EFCAB3: variants seen among roughly 807,000 people sequenced by gnomAD.
The protein encoded by EFCAB3 is EF-hand calcium binding domain 3.
EFCAB3 carries 36 observed loss-of-function variants against 42.2 expected under a neutral mutation model. That is an observed-to-expected ratio of 0.85 (90% CI 0.65 to 1.13). The LOEUF (loss-of-function observed/expected upper bound fraction) is 1.13. Among genes scored for constraint, EFCAB3 ranks in the 50% most tolerant of loss-of-function variants. The pLI is 0.00. For missense variants in EFCAB3, 418 were observed against 505.1 expected (o/e 0.83, Z 1.65); for synonymous variants, 170 against 172.8 (o/e 0.98, Z 0.13).
chr17:62,377,303 A>G (rs1184038359), upstream of EFCAB3, among the ~76,000 whole-genome samples: 1 of 152,176 alleles, frequency 6.6e-6, no homozygotes, highest in African/African-American at 2.4e-5. Flanking sequence ...TTGATATTAA[A>G]ATAATACATT....
chr17:62,371,065 C>T (rs1038220978), intron 1 of EFCAB3, among the ~76,000 whole-genome samples: 3 of 151,054 alleles, frequency 2.0e-5, no homozygotes, highest in African/African-American at 7.3e-5. Context: ...GCATTCCAGC[C>T]TGGGCAACAG....
At chr17:62,399,092 AGC>A (rs1438973526) in intron 6 of EFCAB3, among the ~76,000 whole-genome samples, 2 of 152,094 alleles carry the variant, frequency 1.3e-5, no homozygotes, top group African/African-American at 4.8e-5. Context: ...TGACTCCTAC[AGC>A]ACCAAATGAG....
chr17:62,373,633 C>CT (rs200446219), intron 1 of EFCAB3, among the ~76,000 whole-genome samples: 51 of 151,600 alleles, frequency 3.4e-4, no homozygotes, highest in Admixed American at 3.0e-3. Context: ...AAAAGTTCAT[C>CT]TTTTTTTTTC....
At chr17:62,391,446 C>T (rs1006474203) in intron 3 of EFCAB3, among the ~76,000 whole-genome samples, 3 of 152,064 alleles carry the variant, frequency 2.0e-5, no homozygotes, top group Non-Finnish European at 4.4e-5. Flanking sequence ...ATTTCTGCCA[C>T]GTCTCTCCAG....
intron 2 of EFCAB3, among the ~76,000 whole-genome samples, chr17:62,386,916 G>C (rs1567722257): frequency 6.6e-6 from 1 of 152,028 alleles, no homozygotes; most frequent in Non-Finnish European, 1.5e-5. Flanking sequence ...AGCCTCCTGA[G>C]TGGCTAGGAC....
chr17:62,398,807 G>T (rs988220113), intron 6 of EFCAB3, among the ~76,000 whole-genome samples: 1 of 152,094 alleles, frequency 6.6e-6, no homozygotes, highest in African/African-American at 2.4e-5. Context: ...TTCAACGTAC[G>T]TTAAATAAAT....
chr17:62,390,779 G>T (rs568185912), intron 3 of EFCAB3, among the ~76,000 whole-genome samples: 1 of 152,184 alleles, frequency 6.6e-6, no homozygotes, highest in African/African-American at 2.4e-5. Flanking sequence ...AGCAGGTATC[G>T]TTATCTCTGT....
rs142732714 is a variant in EFCAB3 at position 62,402,199 on chromosome 17, T to C, written c.489-4281T>C. Among the ~76,000 whole-genome samples the C allele has an allele frequency of 2.3e-3, 356 of 152,316 alleles. 2 individuals carry two copies. Among genetic ancestry groups the C allele is most frequent in the African/African-American group, 7.2e-3 (301 of 41,574 alleles). ...TTAAGGAGATTTTGGGCTGAGACGA[T>C]GGGGTTTTCTAAATATGCAATCATA... On this transcript the variant is annotated intron_variant, in intron 6 of 9. Transcript: ENST00000305286.
intron 2 of EFCAB3, among the ~76,000 whole-genome samples, chr17:62,385,710 G>A (rs2070242318): frequency 7.6e-6 from 1 of 130,946 alleles, no homozygotes; most frequent in African/African-American, 2.8e-5. Flanking sequence ...ATTTCTTCTA[G>A]TTTTACTTTT....
At chr17:62,393,266 G>A (rs1185022418) in intron 4 of EFCAB3, among the ~76,000 whole-genome samples, 2 of 152,214 alleles carry the variant, frequency 1.3e-5, no homozygotes, top group Admixed American at 6.5e-5. Flanking sequence ...AGCATGGGAA[G>A]ACAGGACAGA....
At chr17:62,393,958 C>CTT (rs34962512) in intron 5 of EFCAB3, among the ~76,000 whole-genome samples, 3 of 141,896 alleles carry the variant, frequency 2.1e-5, no homozygotes, top group African/African-American at 7.6e-5. Context: ...ATTATTTTGT[C>CTT]TTTTTTTTTT....
At position 62,383,974 on chromosome 17, in the gene EFCAB3, C is replaced by A. The variant is rs1471336352; in HGVS notation, c.74+921C>A. 2.6e-5 allele frequency among the ~76,000 whole-genome samples: 4 copies of A among 152,240 alleles called. No homozygotes were observed. In the East Asian group the frequency reaches 7.7e-4, roughly 29 times the overall value. ...CCTAACAACAAATTTCAATTAACAG[C>A]CACTAATGAGCAAAAATGAGAGCCT... is the stretch of plus-strand genomic sequence containing the variant. On this transcript the variant is annotated intron_variant, in intron 2 of 9. Coordinates refer to ENST00000305286, the MANE Select transcript of EFCAB3 (RefSeq NM_173503.4).
intron 1 of EFCAB3, among the ~76,000 whole-genome samples, chr17:62,381,212 T>C (rs1241163702): frequency 7.1e-6 from 1 of 140,282 alleles, no homozygotes; most frequent in African/African-American, 2.7e-5. Context: ...TGTGTTCTCA[T>C]TGTTCAATTC....
At chr17:62,394,763 G>A in intron 5 of EFCAB3, among the ~76,000 whole-genome samples, 1 of 152,086 alleles carries the variant, frequency 6.6e-6, no homozygotes, top group East Asian at 1.9e-4. Context: ...ATAGTAATGG[G>A]AGTTTGCCTA....
intron 6 of EFCAB3, among the ~76,000 whole-genome samples, chr17:62,404,095 A>G (rs1281361496): frequency 6.6e-6 from 1 of 152,208 alleles, no homozygotes; most frequent in African/African-American, 2.4e-5. Context: ...ATAAAAAATT[A>G]CCACAGCCAG....
chr17:62,393,227 G>A (rs900474052), intron 4 of EFCAB3, among the ~76,000 whole-genome samples: 11 of 152,296 alleles, frequency 7.2e-5, no homozygotes, highest in Admixed American at 7.2e-4. Context: ...GCTTGGGGAT[G>A]TTATAATAGG....
At chr17:62,384,199 GA>G (rs752641862) in intron 2 of EFCAB3, among the ~76,000 whole-genome samples, 6 of 152,138 alleles carry the variant, frequency 3.9e-5, no homozygotes, top group African/African-American at 9.7e-5. Flanking sequence ...ACATTAGATG[GA>G]AGGCTGGATT....
intron 1 of EFCAB3, 80 bp from the exon 2 acceptor site, chr17:62,382,883 C>A (rs2070215162): frequency 3.2e-6 from 4 of 1,250,888 alleles, no homozygotes; most frequent in South Asian, 1.5e-5. Context: ...AAACTCCAGG[C>A]TTTGAGCTGA....
At chr17:62,373,750 A>T in intron 1 of EFCAB3, 1 of 942,964 alleles carries the variant, frequency 1.1e-6, no homozygotes, top group Non-Finnish European at 1.6e-6. Context: ...TGTTTTTAAT[A>T]ATTTCACAAC....
Sources: allele counts gnomAD v4.1 joint callset (sites outside exome capture counted in the v4.1 genomes callset), GRCh38; gene constraint gnomAD v4.1.1; transcripts MANE v1.5; gene names NCBI Gene and HGNC (gene_info 2026-07-23, HGNC 2026-07-21).